RBFOX1: variants seen among roughly 807,000 people sequenced by gnomAD.
The protein encoded by RBFOX1 is RNA binding protein fox-1 homolog 1.
Under a neutral mutation model 57.7 loss-of-function variants are expected in RBFOX1, and 8 were observed. The ratio of observed to expected loss-of-function variants is 0.14; its 90% CI spans 0.08 to 0.25. The LOEUF is 0.25. Ranked by LOEUF, RBFOX1 falls within the 10% of genes least tolerant of loss-of-function variation. The probability of loss-of-function intolerance (pLI) is 1.00; values close to 1 mark genes in which losing one functional copy is unlikely to be tolerated. For synonymous variants in RBFOX1, 326 were observed against 222.4 expected (o/e 1.47, Z -4.15); for missense variants, 611 against 548.5 (o/e 1.11, Z -1.14).
chr16:7,271,517 G>T (rs529003230), intron 4 of RBFOX1, among the ~76,000 whole-genome samples: 34 of 151,936 alleles, frequency 2.2e-4, no homozygotes, highest in African/African-American at 8.0e-4. Flanking sequence ...ATGTCTAATT[G>T]ATTTGTTTTT....
intron 1 of RBFOX1, among the ~76,000 whole-genome samples, chr16:6,040,229 C>G (rs913554927): frequency 2.0e-5 from 3 of 152,202 alleles, no homozygotes; most frequent in East Asian, 1.9e-4. Flanking sequence ...ACCGTCTTAA[C>G]CATTTTGAAG....
intron 4 of RBFOX1, among the ~76,000 whole-genome samples, chr16:7,495,554 A>G (rs1310762731): frequency 6.6e-6 from 1 of 152,200 alleles, no homozygotes; most frequent in Admixed American, 6.5e-5. Context: ...TTAGATGGGC[A>G]CATATTTCCC....
chr16:7,279,800 C>G (rs1175939376), intron 4 of RBFOX1, among the ~76,000 whole-genome samples: 1 of 152,202 alleles, frequency 6.6e-6, no homozygotes, highest in African/African-American at 2.4e-5. Flanking sequence ...TGAAATCCCA[C>G]AAGGAAAGGC....
At chr16:6,330,053 T>TTCTTCCC (rs1269924010) in intron 2 of RBFOX1, among the ~76,000 whole-genome samples, 5 of 152,204 alleles carry the variant, frequency 3.3e-5, no homozygotes, top group African/African-American at 1.2e-4. Context: ...CATCTTTCCC[T>TTCTTCCC]TCTTCCCCAT....
intron 4 of RBFOX1, among the ~76,000 whole-genome samples, chr16:7,462,890 C>T (rs2059834292): frequency 6.6e-6 from 1 of 152,188 alleles, no homozygotes; most frequent in African/African-American, 2.4e-5. Flanking sequence ...GAAAGTTGTC[C>T]ACCTTGAAAG....
At chr16:6,377,123 A>T (rs1411630532) in intron 2 of RBFOX1, among the ~76,000 whole-genome samples, 3 of 151,726 alleles carry the variant, frequency 2.0e-5, no homozygotes, top group Non-Finnish European at 2.9e-5. Context: ...AAAAAATTAA[A>T]AATTAGCTGA....
intron 2 of RBFOX1, among the ~76,000 whole-genome samples, chr16:6,637,961 T>A (rs2098458797): frequency 1.3e-5 from 2 of 152,248 alleles, no homozygotes; most frequent in East Asian, 1.9e-4. Context: ...TATATTAGCC[T>A]TCATAATTTT....
intron 14 of RBFOX1, among the ~76,000 whole-genome samples, chr16:7,700,056 C>T (rs530630397): frequency 6.6e-6 from 1 of 152,064 alleles, no homozygotes; most frequent in Non-Finnish European, 1.5e-5. Flanking sequence ...CCAGAACCTC[C>T]CTACTTCTCA....
At chr16:5,583,343 A>T (rs562310987) in intron 2 of RBFOX1, among the ~76,000 whole-genome samples, 11 of 152,316 alleles carry the variant, frequency 7.2e-5, no homozygotes, top group Non-Finnish European at 1.6e-4. Context: ...ACTTAATAGT[A>T]TGTATCTGTA....
chr16:5,569,310 T>G (rs1449136350), intron 2 of RBFOX1, among the ~76,000 whole-genome samples: 7 of 152,184 alleles, frequency 4.6e-5, no homozygotes, highest in African/African-American at 1.7e-4. Flanking sequence ...AATTTGAAGC[T>G]TGGTTCTGAT....
At chr16:7,448,878 C>G (rs1310113278) in intron 4 of RBFOX1, among the ~76,000 whole-genome samples, 1 of 149,128 alleles carries the variant, frequency 6.7e-6, no homozygotes, top group Non-Finnish European at 1.5e-5. Flanking sequence ...ACATCTGCAA[C>G]AAATAAGGTC....
intron 3 of RBFOX1, among the ~76,000 whole-genome samples, chr16:6,889,740 G>T (rs979984052): frequency 9.2e-5 from 14 of 152,128 alleles, no homozygotes; most frequent in Admixed American, 8.5e-4. Context: ...TGTAATCTTG[G>T]AATAGACCCT....
intron 2 of RBFOX1, among the ~76,000 whole-genome samples, chr16:5,530,235 G>C (rs2044413328): frequency 6.6e-6 from 1 of 152,196 alleles, no homozygotes; most frequent in Non-Finnish European, 1.5e-5. Context: ...ATCCTGATGT[G>C]ATAATGGTGA....
At chr16:5,944,518 C>G (rs1303389262) in intron 4 of RBFOX1, among the ~76,000 whole-genome samples, 1 of 152,024 alleles carries the variant, frequency 6.6e-6, no homozygotes, top group Non-Finnish European at 1.5e-5. Flanking sequence ...TTGTATTAAG[C>G]TACATCTGGC....
intron 4 of RBFOX1, among the ~76,000 whole-genome samples, chr16:6,000,081 A>G (rs557398177): frequency 8.8e-4 from 134 of 151,862 alleles, no homozygotes; most frequent in Middle Eastern, 3.4e-3. Context: ...CGGAAGAGAG[A>G]AGGGTGTGTC....
chr16:5,796,547 C>G (rs1053034995), intron 3 of RBFOX1, among the ~76,000 whole-genome samples: 2 of 144,938 alleles, frequency 1.4e-5, no homozygotes, highest in African/African-American at 5.3e-5. Flanking sequence ...AGGGCTGTAT[C>G]AGATGGTGTC....
intron 3 of RBFOX1, among the ~76,000 whole-genome samples, chr16:6,798,862 G>A (rs2084706940): frequency 1.3e-5 from 2 of 152,120 alleles, no homozygotes; most frequent in Admixed American, 1.3e-4. Flanking sequence ...TCAATCTGCA[G>A]TTTGAACTGA....
At position 5,947,212 on chromosome 16, in the gene RBFOX1, T is replaced by C. The variant is rs1338916841; in HGVS notation, c.351+79877T>C. Among the ~76,000 whole-genome samples the C allele has an allele frequency of 6.6e-6, 1 of 151,982 alleles. No homozygotes were observed. The highest frequency in any genetic ancestry group is 2.4e-5 in the African/African-American group (1 of 41,342). On this transcript the variant is annotated intron_variant, in intron 4 of 19. Coordinates refer to the RBFOX1 transcript ENST00000641259. The surrounding 1 kb of genome is among the most constrained non-coding windows in gnomAD (Gnocchi z 7.2). The stretch of plus-strand genomic sequence containing the variant: ...GCCTGGGTGGCAGAGTGAGACTCTG[T>C]CTCTAAAACAAAACAAACCAGAAGA...
intron 4 of RBFOX1, among the ~76,000 whole-genome samples, chr16:7,383,734 C>T (rs2097825808): frequency 6.6e-6 from 1 of 152,100 alleles, no homozygotes; most frequent in South Asian, 2.1e-4. Flanking sequence ...TATTCAGATC[C>T]AAGTTACATC....
Sources: gnomAD v4.1 joint callset for allele counts (sites outside exome capture counted in the v4.1 genomes callset) on GRCh38, gnomAD v4.1.1 for gene constraint, Gnocchi (gnomAD v3.1) non-coding constraint, MANE v1.5 for transcripts, NCBI Gene and HGNC (gene_info 2026-07-23, HGNC 2026-07-21) for gene names.